Variants in EYA1 observed in about 807,000 individuals in gnomAD.
EYA1 encodes protein phosphatase EYA1.
In EYA1, 16 loss-of-function variants were observed where a neutral mutation model predicts 82.0. The ratio of observed to expected loss-of-function variants is 0.20; its 90% confidence interval spans 0.13 to 0.30. The LOEUF is 0.30. Ranked by LOEUF, EYA1 falls within the 10% of genes least tolerant of loss-of-function variation. The probability of loss-of-function intolerance (pLI) is 1.00; values close to 1 mark genes in which losing one functional copy is unlikely to be tolerated. For missense variants in EYA1, 633 were observed against 730.7 expected, an observed-to-expected ratio of 0.87 and a Z score of 1.54; for synonymous variants, 261 against 264.4, an observed-to-expected ratio of 0.99 and a Z score of 0.12.
intron 2 of EYA1, among the ~76,000 whole-genome samples, chr8:71,476,838 A>G (rs1313420822): frequency 3.3e-5 from 5 of 152,152 alleles, no homozygotes; most frequent in African/African-American, 9.6e-5. Flanking sequence ...TTACAAAGCC[A>G]CAGTAATACA....
chr8:71,493,740 T>C (rs1413547308), intron 2 of EYA1, among the ~76,000 whole-genome samples: 1 of 151,684 alleles, frequency 6.6e-6, no homozygotes, highest in East Asian at 1.9e-4. Context: ...AAGAGGCTTT[T>C]TGGCCGGGCG....
chr8:71,234,385 T>A (rs1811580936), intron 12 of EYA1, among the ~76,000 whole-genome samples: 1 of 152,142 alleles, frequency 6.6e-6, no homozygotes, highest in Non-Finnish European at 1.5e-5. Context: ...TCAGCCCTCA[T>A]CCTCTTCTCA....
chr8:71,299,598 A>G (rs1459877736), intron 8 of EYA1, 40 bp downstream of exon 8: 1 of 1,069,196 alleles, frequency 9.4e-7, no homozygotes, highest in African/African-American at 1.5e-5. Context: ...TGTTGCATTT[A>G]AAGATATTTT....
At chr8:71,355,170 T>C (rs953489189) in intron 2 of EYA1, among the ~76,000 whole-genome samples, 1 of 152,188 alleles carries the variant, frequency 6.6e-6, no homozygotes, top group African/African-American at 2.4e-5. Context: ...ACACAGTTCA[T>C]CAAGTCACAA....
At chr8:71,371,973 A>G (rs751397741) in intron 2 of EYA1, among the ~76,000 whole-genome samples, 2 of 152,144 alleles carry the variant, frequency 1.3e-5, no homozygotes, top group Non-Finnish European at 2.9e-5. Flanking sequence ...GAGAAGTTAT[A>G]GTTCTGGTTT....
intron 2 of EYA1, among the ~76,000 whole-genome samples, chr8:71,391,780 A>C (rs1014251192): frequency 2.0e-5 from 3 of 152,162 alleles, no homozygotes; most frequent in African/African-American, 7.2e-5. Flanking sequence ...ACAGTGGTTC[A>C]TACTGTAGTA....
intron 2 of EYA1, among the ~76,000 whole-genome samples, chr8:71,525,039 C>A (rs1350119163): frequency 6.6e-6 from 1 of 152,130 alleles, no homozygotes; most frequent in Non-Finnish European, 1.5e-5. Flanking sequence ...TCATGATTGT[C>A]TTTTGATCCT....
intron 3 of EYA1, among the ~76,000 whole-genome samples, chr8:71,348,401 T>A (rs1251403410): frequency 6.6e-6 from 1 of 152,186 alleles, no homozygotes; most frequent in Non-Finnish European, 1.5e-5. Flanking sequence ...CTCAGAAAAT[T>A]GGATGTTCTC....
chr8:71,270,467 C>G (rs1021171262), intron 10 of EYA1, among the ~76,000 whole-genome samples: 7 of 152,144 alleles, frequency 4.6e-5, no homozygotes, highest in African/African-American at 1.7e-4. Context: ...AAAATGGGAA[C>G]TGAAGGAATT....
intron 1 of EYA1, among the ~76,000 whole-genome samples, chr8:71,541,486 G>A (rs1815131689): frequency 6.6e-6 from 1 of 152,160 alleles, no homozygotes; most frequent in African/African-American, 2.4e-5. Context: ...CAAATGAACT[G>A]ATGCTAATTA....
intron 2 of EYA1, among the ~76,000 whole-genome samples, chr8:71,433,222 T>A (rs1805756308): frequency 6.6e-6 from 1 of 152,164 alleles, no homozygotes. Context: ...AGATCCCTGG[T>A]CTCTAGAAAA....
In EYA1 at chr8:71,321,736, T is replaced by C. The variant is rs1563461235; in HGVS notation, c.416A>G (p.Tyr139Cys). The change falls in exon 6 of 18, where the codon TAT becomes TGT. Residue 139 changes from tyrosine to cysteine, a missense_variant and splice_region_variant. Physicochemically the swap from Tyr to Cys is radical, Grantham distance 194. Transcript: ENST00000340726. Reference protein sequence around the residue: ...QPGQPYGISSYGALWAGIKTE... With the variant: ...QPGQPYGISSCGALWAGIKTE... The stretch of plus-strand genomic sequence containing the variant: ...CACTACAGTTGCAGGTTACTCACCA[T>C]ATGAGGAAATGCCGTACGGCTGTCC... 2 of 1,613,968 alleles carry C rather than the reference T, an allele frequency of 1.2e-6. No individual in the cohort carries two copies. Among genetic ancestry groups the C allele is most frequent in the African/African-American group, 1.3e-5 (1 of 74,948 alleles).
rs1806455663 is a variant in EYA1 at position 71,198,013 on chromosome 8, G to A, written c.*1327C>T. The A allele has an allele frequency of 6.6e-6, 1 of 152,190 alleles. No individual in the cohort carries two copies. Among genetic ancestry groups the A allele is most frequent in the Non-Finnish European group, 1.5e-5 (1 of 68,032 alleles). The allele number at this position is 152,190 out of a possible 1,614,324, so 9.4% of individuals were successfully genotyped here. A position where few individuals can be genotyped will look rare whatever the true frequency, so the allele number is the denominator to read the frequency against. On this transcript the variant is annotated 3_prime_UTR_variant, in exon 18 of 18. Coordinates refer to ENST00000340726, the MANE Select transcript of EYA1 (RefSeq NM_000503.6). ...GCAATGAACCTTCCTCAGGGTGACA[G>A]GAAGAAAGAGAAAATACGCACATAG...
intron 2 of EYA1, among the ~76,000 whole-genome samples, chr8:71,374,578 T>G (rs1828261206): frequency 6.6e-6 from 1 of 152,176 alleles, no homozygotes; most frequent in African/African-American, 2.4e-5. Flanking sequence ...GTGTGAAAGT[T>G]CCTCAGAAAA....
upstream of EYA1, among the ~76,000 whole-genome samples, chr8:71,366,114 C>CTTG (rs1827737047): frequency 6.6e-6 from 1 of 151,808 alleles, no homozygotes; most frequent in Non-Finnish European, 1.5e-5. Flanking sequence ...GGGTGTGAAA[C>CTTG]TTGTTATCCT....
intron 2 of EYA1, among the ~76,000 whole-genome samples, chr8:71,529,091 G>T (rs1814050864): frequency 6.6e-6 from 1 of 152,202 alleles, no homozygotes; most frequent in African/African-American, 2.4e-5. Context: ...TTGAGGCGTA[G>T]AAATTGAAAT....
At chr8:71,239,764 C>T (rs1036252694) in intron 12 of EYA1, among the ~76,000 whole-genome samples, 35 of 152,164 alleles carry the variant, frequency 2.3e-4, no homozygotes, top group Admixed American at 1.4e-3. Flanking sequence ...AGCAGAGAAC[C>T]AGAGCTCTAG....
intron 2 of EYA1, among the ~76,000 whole-genome samples, chr8:71,418,753 C>T (rs1042751355): frequency 2.0e-5 from 3 of 152,032 alleles, no homozygotes; most frequent in African/African-American, 7.2e-5. Flanking sequence ...TAAAATCTGT[C>T]CCAGATGACG....
chr8:71,452,659 G>C (rs4472551), intron 2 of EYA1, among the ~76,000 whole-genome samples: 1 of 152,120 alleles, frequency 6.6e-6, no homozygotes, highest in Non-Finnish European at 1.5e-5. Flanking sequence ...AGGCAAACAG[G>C]GTCTGGAGTG....
Sources: gnomAD v4.1 joint callset for allele counts (sites outside exome capture counted in the v4.1 genomes callset) on GRCh38, gnomAD v4.1.1 for gene constraint, MANE v1.5 for transcripts, NCBI Gene and HGNC (gene_info 2026-07-23, HGNC 2026-07-21) for gene names.